Variants in ANKRD22 observed in about 807,000 individuals in gnomAD.
ANKRD22 encodes ankyrin repeat domain-containing protein 22.
Under a neutral mutation model 25.7 loss-of-function variants are expected in ANKRD22, and 24 were observed. The ratio of observed to expected loss-of-function variants is 0.93; its 90% CI spans 0.68 to 1.31. The LOEUF (loss-of-function observed/expected upper bound fraction) is 1.31. Ranked by LOEUF, ANKRD22 falls within the 50% of genes most tolerant of loss-of-function variation. The pLI is 0.00. For missense variants in ANKRD22, 214 were observed against 227.1 expected (o/e 0.94, Z 0.37); for synonymous variants, 84 against 84.3 (o/e 1.00, Z 0.02).
chr10:88,822,821 A>G lies in ANKRD22; in HGVS notation c.*120T>C, dbSNP rs961519725. 1.9e-5 allele frequency: 16 copies of G among 829,102 alleles called. No homozygotes were observed. The highest frequency in any genetic ancestry group is 3.2e-5 in the Non-Finnish European group (16 of 505,942). The allele number at this position is 829,102 out of a possible 1,614,324, so 51.4% of individuals were successfully genotyped here. A position where few individuals can be genotyped will look rare whatever the true frequency, so the allele number is the denominator to read the frequency against. On this transcript the variant is annotated 3_prime_UTR_variant, in exon 6 of 6. Transcript: ENST00000371930. The stretch of plus-strand genomic sequence containing the variant: ...TTCCAAAACATTAACCATGGTAAGC[A>G]TCATTATCCCCATAAAATGGTGGCA...
In ANKRD22 at chr10:88,826,043, C is replaced by T; in HGVS notation, c.394G>A (p.Asp132Asn). ...LDAGVEVNAT[D>N]CYGCTALHYA... ...GGCTAAAAGTATAAACTTACACAATCTGTAGCATTAACTTCGACGCCAGCA... is the reference window on the plus strand; with the variant it reads ...GGCTAAAAGTATAAACTTACACAATTTGTAGCATTAACTTCGACGCCAGCA... The change falls in exon 4 of 6, where the codon GAT (aspartate) becomes AAT (asparagine). Residue 132 changes from aspartate (D) to asparagine (N), a missense_variant. Physicochemically the swap from Asp to Asn is conservative, Grantham distance 23. Coordinates refer to ENST00000371930, the MANE Select transcript of ANKRD22 (RefSeq NM_144590.3). 6.2e-7 allele frequency: 1 copy of T among 1,610,460 alleles called. No individual in the cohort carries two copies. The highest frequency in any genetic ancestry group is 8.5e-7 in the Non-Finnish European group (1 of 1,177,628).
At chr10:88,830,560 C>T (rs1318512982) in intron 2 of ANKRD22, among the ~76,000 whole-genome samples, 2 of 152,130 alleles carry the variant, frequency 1.3e-5, no homozygotes, top group African/African-American at 2.4e-5. Flanking sequence ...ATATTAAATG[C>T]TAACATTAGA....
chr10:88,823,547 G>A (rs561659999), intron 4 of ANKRD22, 169 bp from the exon 5 acceptor site: 4 of 580,798 alleles, frequency 6.9e-6, no homozygotes, highest in South Asian at 4.0e-5. Flanking sequence ...AAAATTTTTC[G>A]CCGGGCGCGG....
chr10:88,823,870 T>C (rs993007612), intron 4 of ANKRD22, among the ~76,000 whole-genome samples: 1 of 149,720 alleles, frequency 6.7e-6, no homozygotes. Context: ...TCAATGTATA[T>C]GTATGTTAGT....
rs915573678 is a variant in ANKRD22, at chr10:88,820,629, G to A, written c.*2312C>T. 7 of 868,424 alleles carry A rather than the reference G, an allele frequency of 8.1e-6. No homozygotes were observed. The highest frequency in any genetic ancestry group is 3.8e-5 in the South Asian group (2 of 53,068). The allele number at this position is 868,424 out of a possible 1,614,324, so 53.8% of individuals were successfully genotyped here. A position where few individuals can be genotyped will look rare whatever the true frequency, so the allele number is the denominator to read the frequency against. On this transcript the variant is annotated 3_prime_UTR_variant, in exon 6 of 6. Transcript: ENST00000371930. ...ATTCCCTGCACTTGGCACTAAATCC[G>A]ACACTTACATTTACATTTTTTTTCT... is the stretch of plus-strand genomic sequence containing the variant.
intron 3 of ANKRD22, among the ~76,000 whole-genome samples, chr10:88,827,264 C>T (rs988173383): frequency 6.6e-6 from 1 of 152,238 alleles, no homozygotes; most frequent in Non-Finnish European, 1.5e-5. Context: ...CATTTCCTCT[C>T]ATGTCACTTA....
chr10:88,825,152 C>T (rs949272342), intron 4 of ANKRD22, among the ~76,000 whole-genome samples: 8 of 152,110 alleles, frequency 5.3e-5, no homozygotes, highest in African/African-American at 1.9e-4. Flanking sequence ...AATGGTAATA[C>T]ACACAGATGT....
chr10:88,843,445 C>T (rs920340866), intron 1 of ANKRD22, among the ~76,000 whole-genome samples: 1 of 152,146 alleles, frequency 6.6e-6, no homozygotes, highest in Non-Finnish European at 1.5e-5. Flanking sequence ...AAAACGTTGC[C>T]TTTGCAGAAA....
At position 88,828,591 on chromosome 10, in the gene ANKRD22, T is replaced by G. The variant is rs904104434; in HGVS notation, c.289A>C (p.Met97Leu). The G allele has an allele frequency of 1.9e-6, 3 of 1,610,410 alleles. No individual in the cohort carries two copies. Among genetic ancestry groups the G allele is most frequent in the Admixed American group, 1.7e-5 (1 of 59,782 alleles). ...FIDYLLIILL[M>L]PVLLIGYFLM... ...AAATACCCAATAAGCAGAACAGGCA[T>G]TAAGAGGATAATTAGTAGATAATCA... The change falls in exon 3 of 6, where the codon ATG becomes CTG. Residue 97 changes from methionine (M) to leucine (L), a missense_variant. Met to Leu is a conservative substitution (Grantham distance 15). Transcript: ENST00000371930.
At chr10:88,823,192 A>G in intron 5 of ANKRD22, 88 bp downstream of exon 5, 1 of 1,333,212 alleles carries the variant, frequency 7.5e-7, no homozygotes, top group Non-Finnish European at 1.1e-6. Flanking sequence ...TGTTTACGTC[A>G]GAGGCAAATA....
intron 1 of ANKRD22, among the ~76,000 whole-genome samples, chr10:88,851,028 C>G (rs1446009039): frequency 6.6e-6 from 1 of 152,026 alleles, no homozygotes; most frequent in Non-Finnish European, 1.5e-5. Flanking sequence ...ACTTCCAATA[C>G]AAGTAAAAGT....
chr10:88,850,005 GTT>G (rs769187545), intron 1 of ANKRD22, among the ~76,000 whole-genome samples: 6 of 139,036 alleles, frequency 4.3e-5, no homozygotes, highest in East Asian at 2.1e-4. Flanking sequence ...ATTGGGGGAA[GTT>G]TTTTTTTTTT....
chr10:88,843,903 T>C (rs532350615), intron 1 of ANKRD22, among the ~76,000 whole-genome samples: 2 of 152,290 alleles, frequency 1.3e-5, no homozygotes, highest in African/African-American at 4.8e-5. Flanking sequence ...AAGCTATCAT[T>C]ATACCTTTCT....
rs761667832 is a variant in ANKRD22 at position 88,820,468 on chromosome 10, C to G, written c.*2473G>C. 1.3e-6 allele frequency: 2 copies of G among 1,551,652 alleles called. No individual in the cohort carries two copies. Among genetic ancestry groups the G allele is most frequent in the Non-Finnish European group, 1.7e-6 (2 of 1,147,014 alleles). Reference sequence around the variant, plus strand: ...ATCTGATGCAGCAGGAGGAGACCAACCTTTCCCAGGGACGGTGTGAGGCCG... The same window carrying G: ...ATCTGATGCAGCAGGAGGAGACCAAGCTTTCCCAGGGACGGTGTGAGGCCG... On this transcript the variant is annotated 3_prime_UTR_variant, in exon 6 of 6. Transcript: ENST00000371930.
chr10:88,845,143 C>G (rs1844036301), intron 1 of ANKRD22, among the ~76,000 whole-genome samples: 1 of 152,104 alleles, frequency 6.6e-6, no homozygotes, highest in Non-Finnish European at 1.5e-5. Flanking sequence ...TTGAAACTCC[C>G]TAAGTTTTCA....
chr10:88,830,414 T>TTTTG (rs527829132), intron 2 of ANKRD22, among the ~76,000 whole-genome samples: 2 of 152,308 alleles, frequency 1.3e-5, no homozygotes, highest in African/African-American at 2.4e-5. Flanking sequence ...CAGCAGAGCT[T>TTTTG]TTTGTTTGTT....
intron 1 of ANKRD22, among the ~76,000 whole-genome samples, chr10:88,845,642 T>C (rs1215597238): frequency 2.0e-5 from 3 of 152,124 alleles, no homozygotes; most frequent in Non-Finnish European, 4.4e-5. Flanking sequence ...TTTCCTTCAC[T>C]GCCAACCTAC....
At position 88,825,003 on chromosome 10, in the gene ANKRD22, T is replaced by TCA. The variant is rs1429940409; in HGVS notation, c.399+1034_399+1035insTG. 5.1e-3 allele frequency among the ~76,000 whole-genome samples: 461 copies of TCA among 91,222 alleles called. 1 individual carries two copies. Among genetic ancestry groups the TCA allele is most frequent in the African/African-American group, 8.1e-3 (260 of 32,056 alleles). 59.8% of individuals were successfully genotyped at this position (91,222 alleles called of 152,430 possible). ...TTCTTTTGCTCTCTCTCTCTCTCTC[T>TCA]CTCTCTCTCACACACACACACACAC... On this transcript the variant is annotated intron_variant, in intron 4 of 5. Coordinates refer to ENST00000371930, the MANE Select transcript of ANKRD22 (RefSeq NM_144590.3).
chr10:88,844,215 C>G (rs1464972058), intron 1 of ANKRD22, among the ~76,000 whole-genome samples: 1 of 152,066 alleles, frequency 6.6e-6, no homozygotes, highest in African/African-American at 2.4e-5. Context: ...TTGATGTGTT[C>G]TAGGAATAGC....
Sources: gnomAD v4.1 joint callset for allele counts (sites outside exome capture counted in the v4.1 genomes callset) on GRCh38, gnomAD v4.1.1 for gene constraint, MANE v1.5 for transcripts, NCBI Gene and HGNC (gene_info 2026-07-23, HGNC 2026-07-21) for gene names.